Variants in FOXP1 observed in about 807,000 individuals in gnomAD.
FOXP1 encodes the protein forkhead box P1.
Under a neutral mutation model 98.2 loss-of-function variants are expected in FOXP1, and 15 were observed. That is an observed-to-expected ratio of 0.15 (90% CI 0.10 to 0.24). The LOEUF (loss-of-function observed/expected upper bound fraction) is 0.24, where lower values mean the gene tolerates loss of function less well. Ranked by LOEUF, FOXP1 falls within the 10% of genes least tolerant of loss-of-function variation. The pLI is 1.00. For synonymous variants in FOXP1, 371 were observed against 314.5 expected (o/e 1.18, Z -1.90); for missense variants, 633 against 848.5 (o/e 0.75, Z 3.15).
At chr3:71,526,434 C>T (rs2043386763) in intron 2 of FOXP1, among the ~76,000 whole-genome samples, 1 of 152,132 alleles carries the variant, frequency 6.6e-6, no homozygotes, top group South Asian at 2.1e-4. Context: ...CAGTAATAGT[C>T]TAAACACAAA....
intron 7 of FOXP1, among the ~76,000 whole-genome samples, chr3:71,086,540 T>C (rs2055114616): frequency 6.6e-6 from 1 of 152,180 alleles, no homozygotes; most frequent in African/African-American, 2.4e-5. Context: ...CCTTTTCTAA[T>C]CTCCAGTGTC....
At chr3:71,069,917 G>A (rs984803614) in intron 7 of FOXP1, among the ~76,000 whole-genome samples, 3 of 152,180 alleles carry the variant, frequency 2.0e-5, no homozygotes, top group African/African-American at 7.2e-5. Flanking sequence ...GGCCTGCAAA[G>A]AGGCAAAGGG....
intron 13 of FOXP1, among the ~76,000 whole-genome samples, chr3:70,996,264 G>A (rs767909981): frequency 3.9e-5 from 6 of 152,142 alleles, no homozygotes; most frequent in South Asian, 2.1e-4. Flanking sequence ...TATTACAGGC[G>A]TGAGCCACCA....
At position 70,955,182 on chromosome 3, in the gene FOXP1, G is replaced by A; in HGVS notation, c.*4065C>T. The A allele has an allele frequency of 8.6e-6, 2 of 232,546 alleles. No homozygotes were observed. Among genetic ancestry groups the A allele is most frequent in the Non-Finnish European group, 1.7e-5 (2 of 117,596 alleles). 14.4% of individuals were successfully genotyped at this position (232,546 alleles called of 1,614,324 possible). A position where few individuals can be genotyped will look rare whatever the true frequency, so the allele number is the denominator to read the frequency against. On this transcript the variant is annotated 3_prime_UTR_variant, in exon 21 of 21. Transcript: ENST00000649528. ...TGCCTTTGGAAACGGAGTTCAGCTG[G>A]AATATGGAAAAGAGAGGAAATATTT...
chr3:71,286,785 T>A (rs1178643238), intron 5 of FOXP1, among the ~76,000 whole-genome samples: 1 of 152,210 alleles, frequency 6.6e-6, no homozygotes, highest in Non-Finnish European at 1.5e-5. Context: ...TACCTCATGC[T>A]ATCACAGAAA....
At chr3:71,262,679 G>C (rs527325000) in intron 5 of FOXP1, among the ~76,000 whole-genome samples, 3 of 152,140 alleles carry the variant, frequency 2.0e-5, no homozygotes, top group African/African-American at 7.2e-5. Flanking sequence ...AGAGTCCTCC[G>C]TATTTACCCA....
chr3:71,101,802 G>A (rs981551100), intron 7 of FOXP1, among the ~76,000 whole-genome samples: 6 of 151,986 alleles, frequency 3.9e-5, no homozygotes, highest in Non-Finnish European at 8.8e-5. Flanking sequence ...CAAAGTTTTG[G>A]AACTACCCAT....
At chr3:71,432,570 G>A (rs990267066) in intron 3 of FOXP1, among the ~76,000 whole-genome samples, 1 of 152,044 alleles carries the variant, frequency 6.6e-6, no homozygotes, top group Admixed American at 6.5e-5. Flanking sequence ...CCTAACATAG[G>A]GCAGGGCCTG....
Position 70,957,858 on chromosome 3 carries a change from C to T in FOXP1, c.*1389G>A, listed in dbSNP as rs1182219866. On this transcript the variant is annotated 3_prime_UTR_variant, in exon 21 of 21. Coordinates refer to ENST00000649528, the MANE Select transcript of FOXP1 (RefSeq NM_001349338.3). ...GCTGAACTCAGCCCTCGTTAACTCC[C>T]TTAACAAGTTCAATCTGAAATCGAA... The T allele has an allele frequency of 4.3e-6, 1 of 234,514 alleles. No individual in the cohort carries two copies. The highest frequency in any genetic ancestry group is 2.2e-5 in the African/African-American group (1 of 45,356). The allele number at this position is 234,514 out of a possible 1,614,324, so 14.5% of individuals were successfully genotyped here. A position where few individuals can be genotyped will look rare whatever the true frequency, so the allele number is the denominator to read the frequency against.
intron 3 of FOXP1, among the ~76,000 whole-genome samples, chr3:71,451,673 A>G (rs1220939099): frequency 6.6e-6 from 1 of 152,232 alleles, no homozygotes; most frequent in Non-Finnish European, 1.5e-5. Flanking sequence ...GGCTAACATC[A>G]GGCAGAGTGA....
intron 6 of FOXP1, among the ~76,000 whole-genome samples, chr3:71,174,752 G>A (rs922970322): frequency 1.4e-5 from 2 of 148,026 alleles, no homozygotes; most frequent in Admixed American, 1.4e-4. Context: ...AAGGAATAAG[G>A]AGCAAAGCGA....
Position 71,130,529 on chromosome 3 carries a change from C to G in FOXP1, c.181-17892G>C, listed in dbSNP as rs773102933. Reference sequence around the variant, plus strand: ...AATGAAGAGTTTGGCGAAGGGAGCCCGTACTGTCTGCCTTTGGATTTCCGT... The same window carrying G: ...AATGAAGAGTTTGGCGAAGGGAGCCGGTACTGTCTGCCTTTGGATTTCCGT... On this transcript the variant is annotated intron_variant, in intron 6 of 20. Transcript: ENST00000649528. 9 of 1,598,262 alleles carry G rather than the reference C, an allele frequency of 5.6e-6. No individual in the cohort carries two copies. In the Admixed American group the frequency reaches 1.3e-4, roughly 24 times the overall value.
intron 6 of FOXP1, among the ~76,000 whole-genome samples, chr3:71,182,498 A>ATG (rs201607064): frequency 0.049 from 5,894 of 119,666 alleles, 188 homozygotes; most frequent in Admixed American, 0.094. Flanking sequence ...TGTAAACTAT[A>ATG]TATATGTGTG....
chr3:71,291,855 C>T (rs575138036), intron 5 of FOXP1, among the ~76,000 whole-genome samples: 38 of 151,586 alleles, frequency 2.5e-4, no homozygotes, highest in Admixed American at 9.9e-4. Context: ...TACAGGTGTG[C>T]GCCACCATGC....
chr3:71,580,096 T>C (rs1306813896), intron 2 of FOXP1, among the ~76,000 whole-genome samples: 1 of 151,866 alleles, frequency 6.6e-6, no homozygotes, highest in Non-Finnish European at 1.5e-5. Context: ...CCAGCAGCAG[T>C]TCTGTTTGAT....
At chr3:71,178,952 C>T (rs1285163936) in intron 6 of FOXP1, among the ~76,000 whole-genome samples, 64 of 150,838 alleles carry the variant, frequency 4.2e-4, no homozygotes, top group Non-Finnish European at 2.9e-5. Context: ...TGCCTGTAAT[C>T]CCAGCTACTT....
At chr3:71,406,405 G>GTATATATATATATATATGTATATA (rs2082341024) in intron 3 of FOXP1, among the ~76,000 whole-genome samples, 1 of 105,948 alleles carries the variant, frequency 9.4e-6, no homozygotes, top group Non-Finnish European at 2.2e-5. Flanking sequence ...AACTGTATGT[G>GTATATATATATATATATGTATATA]TATATATATA....
At chr3:71,175,024 T>G (rs149088184) in intron 6 of FOXP1, among the ~76,000 whole-genome samples, 2 of 151,844 alleles carry the variant, frequency 1.3e-5, no homozygotes, top group Non-Finnish European at 1.5e-5. Flanking sequence ...GCCATTCTCC[T>G]GCCTCAGCCT....
At chr3:71,116,997 T>C (rs1038616272) in intron 6 of FOXP1, among the ~76,000 whole-genome samples, 1 of 152,244 alleles carries the variant, frequency 6.6e-6, no homozygotes, top group Non-Finnish European at 1.5e-5. Context: ...TTCCTGCAGA[T>C]GATGACTTGA....
Sources: gnomAD v4.1 joint callset for allele counts (sites outside exome capture counted in the v4.1 genomes callset) on GRCh38, gnomAD v4.1.1 for gene constraint, MANE v1.5 for transcripts, NCBI Gene and HGNC (gene_info 2026-07-23, HGNC 2026-07-21) for gene names.